PRDM16: variants seen among roughly 807,000 people sequenced by gnomAD.
PRDM16 encodes the protein histone-lysine N-methyltransferase PRDM16.
PRDM16 carries 23 observed loss-of-function variants against 110.6 expected under a neutral mutation model. That is an observed-to-expected ratio of 0.21 (90% CI 0.15 to 0.29). The LOEUF (loss-of-function observed/expected upper bound fraction) is 0.29. Ranked by LOEUF, PRDM16 falls within the 10% of genes least tolerant of loss-of-function variation. PRDM16 has a pLI of 1.00. For missense variants in PRDM16, 1,615 were observed against 1,794.3 expected (o/e 0.90, Z 1.81); for synonymous variants, 799 against 781.8 (o/e 1.02, Z -0.37).
intron 1 of PRDM16, among the ~76,000 whole-genome samples, chr1:3,083,920 G>A (rs1316161898): frequency 6.6e-6 from 1 of 152,226 alleles, no homozygotes; most frequent in Non-Finnish European, 1.5e-5. Context: ...TGACACAAAT[G>A]TGACTCCATG....
Position 3,425,319 on chromosome 1 carries a change from C to A in PRDM16, c.2940-262C>A, listed in dbSNP as rs1185819550. 1 of 338,698 alleles carries A rather than the reference C, an allele frequency of 3.0e-6. No homozygotes were observed. The highest frequency in any genetic ancestry group is 5.2e-5 in the East Asian group (1 of 19,188). The allele number at this position is 338,698 out of a possible 1,614,324, so 21.0% of individuals were successfully genotyped here. On this transcript the variant is annotated intron_variant, in intron 12 of 16. Coordinates refer to ENST00000270722, the MANE Select transcript of PRDM16 (RefSeq NM_022114.4). The surrounding 1 kb of genome is among the most constrained non-coding windows in gnomAD (Gnocchi z 6.9). ...GGTCTCGATCTCCTGACCTCGTGAT[C>A]CACCCGCCTTGGCCTCCCAAAGTGC...
chr1:3,426,009 T>C (rs751792741), intron 13 of PRDM16, 42 bp from the exon 14 acceptor site: 1 of 1,583,446 alleles, frequency 6.3e-7, no homozygotes. Context: ...GAGGGAGGGG[T>C]CCAGCGAGAG....
chr1:3,383,705 A>G (rs965582521), intron 3 of PRDM16, among the ~76,000 whole-genome samples: 4 of 152,128 alleles, frequency 2.6e-5, no homozygotes, highest in African/African-American at 4.8e-5. Context: ...CATGCCGAGC[A>G]TCTGAGGTGC....
At chr1:3,114,173 ACG>A (rs1363414042) in intron 1 of PRDM16, among the ~76,000 whole-genome samples, 5 of 87,956 alleles carry the variant, frequency 5.7e-5, no homozygotes, top group Non-Finnish European at 1.2e-4. Flanking sequence ...ACGCACACAC[ACG>A]CACACACACG....
intron 1 of PRDM16, among the ~76,000 whole-genome samples, chr1:3,159,326 G>T (rs2100737244): frequency 6.6e-6 from 1 of 152,372 alleles, no homozygotes; most frequent in Non-Finnish European, 1.5e-5. Context: ...AGACCGCAGG[G>T]CTTGAGCAAC....
intron 14 of PRDM16, 39 bp downstream of exon 14, chr1:3,426,264 G>T (rs369474365): frequency 3.2e-6 from 5 of 1,586,440 alleles, no homozygotes; most frequent in South Asian, 2.3e-5. Flanking sequence ...GTCTGGACCC[G>T]GCCAACAGCC....
intron 3 of PRDM16, among the ~76,000 whole-genome samples, chr1:3,345,360 C>T (rs1009724114): frequency 2.6e-5 from 4 of 152,170 alleles, no homozygotes; most frequent in Admixed American, 1.3e-4. Context: ...CTGTGGGAAC[C>T]GGAGGCTCCT....
At chr1:3,295,205 T>A (rs1370026110) in intron 3 of PRDM16, among the ~76,000 whole-genome samples, 1 of 152,168 alleles carries the variant, frequency 6.6e-6, no homozygotes, top group Non-Finnish European at 1.5e-5. Flanking sequence ...GCCAGGCCAT[T>A]ACAGCTACAG....
At chr1:3,413,088 A>T (rs1643720905) in intron 9 of PRDM16, among the ~76,000 whole-genome samples, 1 of 151,950 alleles carries the variant, frequency 6.6e-6, no homozygotes, top group Non-Finnish European at 1.5e-5. Context: ...CTCAGACATC[A>T]CACTGCTGGC....
Position 3,295,908 on chromosome 1 carries a change from C to T in PRDM16, c.438+51771C>T, listed in dbSNP as rs188183358. Among the ~76,000 whole-genome samples, 848 of 152,252 alleles carry T rather than the reference C, an allele frequency of 5.6e-3. 9 individuals are homozygous for T. The highest frequency in any genetic ancestry group is 0.019 in the African/African-American group (797 of 41,544). ...CTGGGGTAACTGGGGCGTGACACCT[C>T]TGCCCCCACAAGAAGCCCACTGAGA... is the stretch of plus-strand genomic sequence containing the variant. On this transcript the variant is annotated intron_variant, in intron 3 of 16. Transcript: ENST00000270722.
intron 3 of PRDM16, among the ~76,000 whole-genome samples, chr1:3,267,714 G>A (rs1409339802): frequency 6.6e-6 from 1 of 152,196 alleles, no homozygotes; most frequent in Non-Finnish European, 1.5e-5. Flanking sequence ...TCCAGCCCCT[G>A]CCCCTCCTTC....
intron 3 of PRDM16, among the ~76,000 whole-genome samples, chr1:3,248,111 C>T (rs1277571593): frequency 2.0e-5 from 3 of 152,226 alleles, no homozygotes; most frequent in Non-Finnish European, 4.4e-5. Context: ...TATTAAGGCT[C>T]AATGGCCATC....
At chr1:3,137,486 C>A (rs1013649013) in intron 1 of PRDM16, among the ~76,000 whole-genome samples, 2 of 152,200 alleles carry the variant, frequency 1.3e-5, no homozygotes, top group African/African-American at 4.8e-5. Flanking sequence ...AGCAGCAGCA[C>A]CCCTCCCTGG....
At chr1:3,346,060 C>T (rs1427529329) in intron 3 of PRDM16, among the ~76,000 whole-genome samples, 3 of 152,274 alleles carry the variant, frequency 2.0e-5, no homozygotes, top group Admixed American at 6.5e-5. Context: ...ACTCATTCTC[C>T]GTCAACACCC....
intron 3 of PRDM16, among the ~76,000 whole-genome samples, chr1:3,376,828 G>T (rs550167058): frequency 8.6e-5 from 13 of 151,618 alleles, no homozygotes; most frequent in African/African-American, 3.1e-4. Context: ...CGCCGACCAG[G>T]CCTCCTGTGT....
intron 3 of PRDM16, among the ~76,000 whole-genome samples, chr1:3,278,374 G>A (rs1340057548): frequency 1.3e-5 from 2 of 152,206 alleles, no homozygotes; most frequent in African/African-American, 2.4e-5. Flanking sequence ...ATGGCAAACA[G>A]GGAGCTGAAT....
intron 8 of PRDM16, among the ~76,000 whole-genome samples, chr1:3,410,278 G>A (rs531358207): frequency 5.5e-4 from 84 of 152,216 alleles, no homozygotes; most frequent in Non-Finnish European, 1.0e-3. Context: ...GAAAATGGCC[G>A]GAACCCCCAG....
intron 3 of PRDM16, among the ~76,000 whole-genome samples, chr1:3,250,341 G>A (rs1307639221): frequency 3.3e-5 from 5 of 152,164 alleles, no homozygotes; most frequent in South Asian, 2.1e-4. Flanking sequence ...GGGGTAGGGC[G>A]GTCCCGCAGG....
intron 2 of PRDM16, among the ~76,000 whole-genome samples, chr1:3,193,826 G>T (rs761568332): frequency 1.1e-4 from 16 of 152,344 alleles, no homozygotes; most frequent in African/African-American, 3.8e-4. Flanking sequence ...GAGGCTGGGG[G>T]CTGCGGGCTC....
Sources: allele counts gnomAD v4.1 joint callset (sites outside exome capture counted in the v4.1 genomes callset), GRCh38; gene constraint gnomAD v4.1.1; non-coding constraint Gnocchi (gnomAD v3.1); transcripts MANE v1.5; gene names NCBI Gene and HGNC (gene_info 2026-07-23, HGNC 2026-07-21).